Variants in MTCL2 observed in about 807,000 individuals in gnomAD.
MTCL2 encodes the protein microtubule cross-linking factor 2.
the MTCL2 span, chr20:36,785,686 G>A: frequency 2.0e-6 from 2 of 985,440 alleles, no homozygotes; most frequent in Non-Finnish European, 2.4e-6. Flanking sequence ...ACCAGGTCTT[G>A]AGACTGACTC....
chr20:36,810,268 G>A, the MTCL2 span, among the ~76,000 whole-genome samples: 1 of 152,220 alleles, frequency 6.6e-6, no homozygotes, highest in Admixed American at 6.5e-5. Flanking sequence ...ACCTCTGAGG[G>A]TCGTCATGAT....
the MTCL2 span, among the ~76,000 whole-genome samples, chr20:36,804,556 G>A: frequency 7.2e-5 from 11 of 152,144 alleles, no homozygotes; most frequent in African/African-American, 2.2e-4. Context: ...ATTCCCCACC[G>A]TTTCTGATAC....
At chr20:36,780,775 C>T in the MTCL2 span, 4 of 152,308 alleles carry the variant, frequency 2.6e-5, no homozygotes, top group East Asian at 1.9e-4. Context: ...AGGTCAATCA[C>T]GTTGGTGGAT....
chr20:36,845,519 C>T, the MTCL2 span, among the ~76,000 whole-genome samples: 2 of 152,284 alleles, frequency 1.3e-5, no homozygotes, highest in African/African-American at 4.8e-5. Flanking sequence ...CCGTTAGCCC[C>T]TGCTGGCACG....
chr20:36,783,670 G>T, the MTCL2 span: 1 of 736,570 alleles, frequency 1.4e-6, no homozygotes. Context: ...TCCTTCTTGG[G>T]ACCCCAATTC....
At chr20:36,852,817 G>A in the MTCL2 span, among the ~76,000 whole-genome samples, 1 of 152,154 alleles carries the variant, frequency 6.6e-6, no homozygotes, top group Admixed American at 6.5e-5. Context: ...AGCACTTTGG[G>A]AGGCTGAGGC....
At chr20:36,809,937 G>A in the MTCL2 span, 3 of 1,570,232 alleles carry the variant, frequency 1.9e-6, no homozygotes, top group African/African-American at 1.4e-5. Context: ...CCAGCTCAGA[G>A]AGGCTGTAGG....
At chr20:36,853,766 C>A in the MTCL2 span, among the ~76,000 whole-genome samples, 4 of 151,568 alleles carry the variant, frequency 2.6e-5, no homozygotes, top group African/African-American at 9.7e-5. Flanking sequence ...GGTAAGAGAC[C>A]ACTGCCCACC....
At chr20:36,841,632 A>G in the MTCL2 span, among the ~76,000 whole-genome samples, 1 of 152,180 alleles carries the variant, frequency 6.6e-6, no homozygotes, top group African/African-American at 2.4e-5. Context: ...TTTGAGGCTG[A>G]GGAAACTGAC....
the MTCL2 span, chr20:36,817,267 A>G: frequency 2.0e-5 from 1 of 49,646 alleles, no homozygotes; most frequent in Non-Finnish European, 3.8e-5. Context: ...ACTCCGTCTC[A>G]AAAAAAAAAA....
At chr20:36,785,548 G>GC in the MTCL2 span, 1 of 985,332 alleles carries the variant, frequency 1.0e-6, no homozygotes. Context: ...GAATATCTTT[G>GC]CCCCCCGACC....
chr20:36,800,192 G>A, the MTCL2 span, among the ~76,000 whole-genome samples: 11 of 152,228 alleles, frequency 7.2e-5, no homozygotes, highest in African/African-American at 2.4e-4. Context: ...CATGGAACCC[G>A]TGCCCTGATG....
the MTCL2 span, chr20:36,781,428 C>T: frequency 1.3e-5 from 2 of 151,814 alleles, no homozygotes; most frequent in African/African-American, 2.4e-5. Context: ...CCCAGTTACT[C>T]GGGAGGTTGA....
the MTCL2 span, chr20:36,783,915 C>T: frequency 1.3e-5 from 13 of 985,490 alleles, no homozygotes; most frequent in South Asian, 4.7e-5. Context: ...TCCAGCCCCA[C>T]GTCCAGAGGC....
At chr20:36,812,796 C>A in the MTCL2 span, 17 of 1,613,566 alleles carry the variant, frequency 1.1e-5, no homozygotes, top group South Asian at 1.9e-4. Context: ...GTGCGGAAAG[C>A]CTCTCGGATC....
chr20:36,794,098 G>A, the MTCL2 span: 1 of 1,551,482 alleles, frequency 6.4e-7, no homozygotes. The surrounding 1 kb of genome is among the most constrained non-coding windows in gnomAD (Gnocchi z 5.4). Flanking sequence ...GGGCCGCTGG[G>A]AAGCCAGGCC....
At chr20:36,790,485 A>C in the MTCL2 span, among the ~76,000 whole-genome samples, 1 of 127,790 alleles carries the variant, frequency 7.8e-6, no homozygotes, top group African/African-American at 3.1e-5. Context: ...CCCAGGCTAG[A>C]GTGCAGTGGC....
chr20:36,796,166 T>C, the MTCL2 span, among the ~76,000 whole-genome samples: 1 of 152,240 alleles, frequency 6.6e-6, no homozygotes. Context: ...CTGGCACACC[T>C]ATTGCCTGAA....
the MTCL2 span, among the ~76,000 whole-genome samples, chr20:36,801,499 C>A: frequency 6.6e-6 from 1 of 151,106 alleles, no homozygotes; most frequent in East Asian, 1.9e-4. Flanking sequence ...TGGCTTGAGA[C>A]CAGGAGCTCA....
Sources: gnomAD v4.1 joint callset for allele counts (sites outside exome capture counted in the v4.1 genomes callset) on GRCh38, gnomAD v4.1.1 for gene constraint, Gnocchi (gnomAD v3.1) non-coding constraint, MANE v1.5 for transcripts, NCBI Gene and HGNC (gene_info 2026-07-23, HGNC 2026-07-21) for gene names.